The following CACHD1 variants were observed in gnomAD, a reference collection of about 807,000 sequenced individuals.
CACHD1 encodes the protein VWFA and cache domain-containing protein 1.
In CACHD1, 71 loss-of-function variants were observed where a neutral mutation model predicts 138.7. The observed-to-expected ratio is 0.51, with a 90% CI of 0.42 to 0.62. The LOEUF (loss-of-function observed/expected upper bound fraction) is 0.62, where lower values mean the gene tolerates loss of function less well. Ranked by LOEUF, CACHD1 falls within the 20% of genes least tolerant of loss-of-function variation. The pLI, the probability that CACHD1 is intolerant of heterozygous loss-of-function variation, is 0.00. For missense variants in CACHD1, 1,389 were observed against 1,625.3 expected (o/e 0.85, Z 2.50); for synonymous variants, 578 against 591.5 (o/e 0.98, Z 0.33).
At position 64,470,751 on chromosome 1, in the gene CACHD1, C is replaced by G; in HGVS notation, c.7C>G (p.Arg3Gly). The G allele has an allele frequency of 2.8e-6, 2 of 708,010 alleles. No homozygotes were observed. Among genetic ancestry groups the G allele is most frequent in the South Asian group, 2.1e-5 (1 of 48,676 alleles). 43.9% of individuals were successfully genotyped at this position (708,010 alleles called of 1,614,324 possible). A position where few individuals can be genotyped will look rare whatever the true frequency, so the allele number is the denominator to read the frequency against. Residue 3 changes from arginine (R) to glycine (G), a missense_variant, in exon 1 of 27, where the codon CGC becomes GGC. Arg to Gly is a moderately radical substitution (Grantham distance 125, BLOSUM62 -2). Coordinates refer to ENST00000651257, the MANE Select transcript of CACHD1 (RefSeq NM_020925.4). This position sits in a 1 kb window ranked among gnomAD's most constrained non-coding sequence, Gnocchi z 5.2. Reference protein sequence around the residue: MARQPEEEETAVA... With the variant: MAGQPEEEETAVA... ...GGGAGTGGGGGGAGGCAGCATGGCC[C>G]GCCAGCCGGAGGAAGAGGAGACGGC... is the stretch of plus-strand genomic sequence containing the variant.
At chr1:64,634,023 T>G in intron 6 of CACHD1, 21 bp from the exon 7 acceptor site, 1 of 1,568,202 alleles carries the variant, frequency 6.4e-7, no homozygotes, top group Non-Finnish European at 8.6e-7. Flanking sequence ...TGGTGGTTTT[T>G]TTTTTTTTTC....
chr1:64,479,786 C>T (rs1342449699), intron 1 of CACHD1, among the ~76,000 whole-genome samples: 1 of 152,162 alleles, frequency 6.6e-6, no homozygotes, highest in Non-Finnish European at 1.5e-5. Flanking sequence ...TAAATAGGTT[C>T]TCCCCTCTAT....
In CACHD1 at chr1:64,556,665, G is replaced by C. The variant is rs1054672630; in HGVS notation, c.261+6009G>C. 3.2e-5 allele frequency among the ~76,000 whole-genome samples: 3 copies of C among 93,290 alleles called. No homozygotes were observed. The East Asian group carries it at 1.2e-3, about 38-fold the overall frequency. The allele number at this position is 93,290 out of a possible 152,430, so 61.2% of individuals were successfully genotyped here. ...GTGATTTTTTACTCTTGGGTATACAGTTTTACTTGCTTTTACTCATTTCTT... is the reference window on the plus strand; with the variant it reads ...GTGATTTTTTACTCTTGGGTATACACTTTTACTTGCTTTTACTCATTTCTT... On this transcript the variant is annotated intron_variant, in intron 2 of 26. Transcript: ENST00000651257.
At chr1:64,644,819 C>T (rs571832375) in intron 8 of CACHD1, among the ~76,000 whole-genome samples, 1 of 152,316 alleles carries the variant, frequency 6.6e-6, no homozygotes, top group Admixed American at 6.5e-5. Context: ...ACACTTGGAC[C>T]AGGCTCAGTG....
chr1:64,673,168 A>G lies in CACHD1; in HGVS notation c.2521A>G (p.Met841Val), dbSNP rs750216412. The G allele has an allele frequency of 1.9e-6, 3 of 1,613,340 alleles. No individual in the cohort carries two copies. The highest frequency in any genetic ancestry group is 1.7e-6 in the Non-Finnish European group (2 of 1,179,940). ...CTTGTTTTGGTACAGGTGCTTCATA[A>G]TGGAGGACAGGGGTTATCTGGTGGC... ...DGGNKIRCFI[M>V]EDRGYLVAHP... The change falls in exon 18 of 27, where the codon ATG becomes GTG. Residue 841 changes from methionine to valine, a missense_variant. Physicochemically the swap from Met to Val is conservative, Grantham distance 21 (BLOSUM62 1). This residue lies in a region of CACHD1 where 1,000 missense variants were observed against 1,114.7 expected (regional missense o/e 0.90). Transcript: ENST00000651257.
At chr1:64,623,432 A>G (rs1222934027) in intron 4 of CACHD1, among the ~76,000 whole-genome samples, 1 of 147,574 alleles carries the variant, frequency 6.8e-6, no homozygotes, top group African/African-American at 2.5e-5. Flanking sequence ...GAAGAAAATA[A>G]GATTTTAGAA....
chr1:64,660,505 C>T (rs1011221531), intron 13 of CACHD1, among the ~76,000 whole-genome samples: 3 of 151,538 alleles, frequency 2.0e-5, no homozygotes, highest in African/African-American at 7.3e-5. Context: ...TACTTTAATA[C>T]TACTTTTTGC....
At chr1:64,649,402 A>G (rs1330457703) in intron 9 of CACHD1, among the ~76,000 whole-genome samples, 1 of 152,156 alleles carries the variant, frequency 6.6e-6, no homozygotes, top group Non-Finnish European at 1.5e-5. Context: ...AGATGTATAT[A>G]GAATGGAAAC....
At chr1:64,637,782 A>ATC (rs1486086352) in intron 7 of CACHD1, among the ~76,000 whole-genome samples, 1 of 152,230 alleles carries the variant, frequency 6.6e-6, no homozygotes, top group Non-Finnish European at 1.5e-5. Flanking sequence ...TAGAGAAAAA[A>ATC]TAACCTAGAT....
intron 1 of CACHD1, among the ~76,000 whole-genome samples, chr1:64,536,478 G>T (rs1164750377): frequency 6.6e-6 from 1 of 152,192 alleles, no homozygotes; most frequent in African/African-American, 2.4e-5. Flanking sequence ...GTTCCAACTG[G>T]CATTGAGGGG....
chr1:64,532,842 T>C (rs1646598650), intron 1 of CACHD1, among the ~76,000 whole-genome samples: 1 of 152,214 alleles, frequency 6.6e-6, no homozygotes, highest in African/African-American at 2.4e-5. Context: ...TTGTTGTTCT[T>C]ACTTGAAAGC....
intron 1 of CACHD1, among the ~76,000 whole-genome samples, chr1:64,524,783 G>A (rs1646524152): frequency 6.6e-6 from 1 of 152,106 alleles, no homozygotes; most frequent in Non-Finnish European, 1.5e-5. Flanking sequence ...AAAGACACAT[G>A]ATGATGATGA....
intron 1 of CACHD1, among the ~76,000 whole-genome samples, chr1:64,472,217 T>C (rs1646149780): frequency 6.6e-6 from 1 of 151,976 alleles, no homozygotes; most frequent in Non-Finnish European, 1.5e-5. Context: ...CGTCTTCTCC[T>C]TCTCTTCTTT....
rs1016213414 is a variant in CACHD1 at position 64,692,943 on chromosome 1, A to G, written c.*1382A>G. The G allele has an allele frequency of 1.5e-4, 23 of 152,774 alleles. No homozygotes were observed. Among genetic ancestry groups the G allele is most frequent in the African/African-American group, 5.5e-4 (23 of 41,588 alleles). The allele number at this position is 152,774 out of a possible 1,614,324, so 9.5% of individuals were successfully genotyped here. On this transcript the variant is annotated 3_prime_UTR_variant, in exon 27 of 27. Coordinates refer to ENST00000651257, the MANE Select transcript of CACHD1 (RefSeq NM_020925.4). ...TAGGGTATTATGATACAATGTAAAA[A>G]ACAATTGGTTCTTCAGCAGTACAGA...
intron 1 of CACHD1, among the ~76,000 whole-genome samples, chr1:64,497,863 T>C (rs1458785670): frequency 6.6e-6 from 1 of 152,156 alleles, no homozygotes; most frequent in Non-Finnish European, 1.5e-5. Context: ...TGGTGGCTCA[T>C]GCCTGTAATC....
rs190238107 is a variant in CACHD1 at position 64,477,734 on chromosome 1, A to G, written c.198+6792A>G. On this transcript the variant is annotated intron_variant, in intron 1 of 26. Transcript: ENST00000651257. Reference sequence around the variant, plus strand: ...ACTGCAAGCTCTGCTTCCCGGGTTCATGCCATTCTCCTGCCTCAGCCTCCC... The same window carrying G: ...ACTGCAAGCTCTGCTTCCCGGGTTCGTGCCATTCTCCTGCCTCAGCCTCCC... Among the ~76,000 whole-genome samples, 1,501 of 151,098 alleles carry G rather than the reference A, an allele frequency of 9.9e-3. 39 individuals carry two copies. The highest frequency in any genetic ancestry group is 0.034 in the African/African-American group (1,388 of 41,128).
intron 17 of CACHD1, among the ~76,000 whole-genome samples, chr1:64,672,928 T>G (rs1222519129): frequency 6.6e-6 from 1 of 151,732 alleles, no homozygotes; most frequent in Non-Finnish European, 1.5e-5. Context: ...GACCACAGAG[T>G]CAGGTGTAAC....
At chr1:64,608,952 T>C (rs1647430323) in intron 4 of CACHD1, among the ~76,000 whole-genome samples, 2 of 152,162 alleles carry the variant, frequency 1.3e-5, no homozygotes, top group Non-Finnish European at 2.9e-5. Flanking sequence ...TTTATTGCGT[T>C]TGATTTTAAA....
At chr1:64,689,789 T>C (rs1406666810) in intron 26 of CACHD1, among the ~76,000 whole-genome samples, 1 of 152,186 alleles carries the variant, frequency 6.6e-6, no homozygotes, top group African/African-American at 2.4e-5. Flanking sequence ...TATATCCACT[T>C]ATCAAACTCC....
Sources: gnomAD v4.1 joint callset for allele counts (sites outside exome capture counted in the v4.1 genomes callset) on GRCh38, gnomAD v4.1.1 for gene constraint, gnomAD v4.1.1 regional missense constraint, Gnocchi (gnomAD v3.1) non-coding constraint, MANE v1.5 for transcripts, NCBI Gene and HGNC (gene_info 2026-07-23, HGNC 2026-07-21) for gene names.